RAP1A: variants seen among roughly 807,000 people sequenced by gnomAD.
RAP1A encodes ras-related protein Rap-1A.
Under a neutral mutation model 26.4 loss-of-function variants are expected in RAP1A, and 6 were observed. The observed-to-expected ratio is 0.23, with a 90% CI of 0.12 to 0.45. The LOEUF is 0.45. Among genes scored for constraint, RAP1A ranks in the 20% least tolerant of loss-of-function variants. The pLI is 0.99. For synonymous variants in RAP1A, 73 were observed against 79.4 expected, an observed-to-expected ratio of 0.92 and a Z score of 0.43; for missense variants, 121 against 217.2, an observed-to-expected ratio of 0.56 and a Z score of 2.78.
intron 1 of RAP1A, among the ~76,000 whole-genome samples, chr1:111,594,478 C>CAGAA (rs1658524963): frequency 7.5e-6 from 1 of 133,504 alleles, no homozygotes; most frequent in East Asian, 2.2e-4. Context: ...AGACAAAAAA[C>CAGAA]GGAAGGAAGG....
At chr1:111,613,151 G>A (rs1021240802) in intron 1 of RAP1A, among the ~76,000 whole-genome samples, 1 of 144,552 alleles carries the variant, frequency 6.9e-6, no homozygotes, top group African/African-American at 2.7e-5. Flanking sequence ...GAAAACGTAG[G>A]GTTTTTTTTT....
intron 1 of RAP1A, among the ~76,000 whole-genome samples, chr1:111,609,422 CT>C (rs375433676): frequency 2.0e-5 from 3 of 152,002 alleles, no homozygotes; most frequent in Admixed American, 6.6e-5. Flanking sequence ...TTGACCCTTA[CT>C]TTTTTTTACT....
chr1:111,569,385 C>T (rs574059227), intron 1 of RAP1A, among the ~76,000 whole-genome samples: 100 of 89,256 alleles, frequency 1.1e-3, no homozygotes, highest in Non-Finnish European at 2.1e-3. Flanking sequence ...AGTGAGACTC[C>T]GTCTCCAAAA....
chr1:111,611,319 C>T (rs1456098419), intron 1 of RAP1A, among the ~76,000 whole-genome samples: 3 of 152,104 alleles, frequency 2.0e-5, no homozygotes, highest in Non-Finnish European at 4.4e-5. Context: ...GAACAGGAAA[C>T]CTGATGATAT....
In RAP1A at chr1:111,712,066, G is replaced by A. The variant is rs974131921; in HGVS notation, c.*30-365G>A. 6.7e-5 allele frequency among the ~76,000 whole-genome samples: 10 copies of A among 148,158 alleles called. 1 individual carries two copies. Among genetic ancestry groups the A allele is most frequent in the African/African-American group, 2.6e-4 (10 of 37,762 alleles). Reference sequence around the variant, plus strand: ...GCAGGTGTGTCCTTCAGTAAAAAAGGAAAGTAAAAATAAGATGGTAATGAG... The same window carrying A: ...GCAGGTGTGTCCTTCAGTAAAAAAGAAAAGTAAAAATAAGATGGTAATGAG... On this transcript the variant is annotated intron_variant, in intron 7 of 7. Coordinates refer to ENST00000369709, the MANE Select transcript of RAP1A (RefSeq NM_002884.4).
chr1:111,712,257 A>G (rs1016002988), intron 7 of RAP1A, among the ~76,000 whole-genome samples, 174 bp from the exon 8 acceptor site: 2 of 152,154 alleles, frequency 1.3e-5, no homozygotes, highest in African/African-American at 4.8e-5. Flanking sequence ...ACATTTTTAA[A>G]GGGAATTTAA....
chr1:111,646,025 G>C (rs547751264), intron 1 of RAP1A, among the ~76,000 whole-genome samples: 1 of 152,184 alleles, frequency 6.6e-6, no homozygotes, highest in African/African-American at 2.4e-5. Flanking sequence ...CTGAAAAAAA[G>C]ATAATTAATT....
rs778745500 is a variant in RAP1A at position 111,709,143 on chromosome 1, A to G, written c.469-6A>G. 2 of 1,597,016 alleles carry G rather than the reference A, an allele frequency of 1.3e-6. No homozygotes were observed. On this transcript the variant is annotated splice_region_variant and splice_polypyrimidine_tract_variant and intron_variant, in intron 6 of 7. Coordinates refer to ENST00000369709, the MANE Select transcript of RAP1A (RefSeq NM_002884.4). ...AGTAAGTACTTTTTTTCTTGTTTTT[A>G]CTTAGATATTTTATGACCTGGTCAG...
chr1:111,703,919 C>G (rs72690789), intron 5 of RAP1A, among the ~76,000 whole-genome samples: 2 of 152,092 alleles, frequency 1.3e-5, no homozygotes, highest in African/African-American at 4.8e-5. Flanking sequence ...CCACCTCAAC[C>G]CCCTGAGTAG....
chr1:111,605,137 G>A (rs945671815), intron 1 of RAP1A, among the ~76,000 whole-genome samples: 1 of 152,228 alleles, frequency 6.6e-6, no homozygotes, highest in Non-Finnish European at 1.5e-5. Flanking sequence ...AGACTATGCT[G>A]TGAAGTGCAG....
intron 5 of RAP1A, 77 bp from the exon 6 acceptor site, chr1:111,704,266 T>G: frequency 6.8e-7 from 1 of 1,466,926 alleles, no homozygotes. Context: ...TGGTGGCAGA[T>G]AATTGCTTAT....
intron 1 of RAP1A, among the ~76,000 whole-genome samples, chr1:111,578,993 T>C (rs942202551): frequency 3.9e-5 from 6 of 152,212 alleles, no homozygotes; most frequent in African/African-American, 7.2e-5. Context: ...AGGATACAGA[T>C]AAACAGCCAG....
chr1:111,627,478 C>T, intron 1 of RAP1A: 1 of 151,010 alleles, frequency 6.6e-6, no homozygotes, highest in South Asian at 2.1e-4. Flanking sequence ...AGGATAGATT[C>T]CCAGAAGTGG....
At chr1:111,547,811 A>G (rs926495378) in intron 1 of RAP1A, among the ~76,000 whole-genome samples, 1 of 151,960 alleles carries the variant, frequency 6.6e-6, no homozygotes, top group Non-Finnish European at 1.5e-5. Flanking sequence ...GTGGAGAAAG[A>G]CTCTCTGGTG....
rs1030505142 is a variant in RAP1A, at chr1:111,619,838, C to G, written c.-124C>G. ...GCCGCCGCTCCCGCTGCTGTCGCCG[C>G]GCAGAGCCGGAGCAGGAGCCACGGC... On this transcript the variant is annotated 5_prime_UTR_variant, in exon 1 of 8. Transcript: ENST00000369709. 4 of 398,406 alleles carry G rather than the reference C, an allele frequency of 1.0e-5. No homozygotes were observed. Among genetic ancestry groups the G allele is most frequent in the Admixed American group, 4.5e-5 (1 of 22,414 alleles). The allele number at this position is 398,406 out of a possible 1,614,324, so 24.7% of individuals were successfully genotyped here.
intron 1 of RAP1A, among the ~76,000 whole-genome samples, chr1:111,555,917 A>G (rs1657470664): frequency 6.6e-6 from 1 of 152,218 alleles, no homozygotes; most frequent in Non-Finnish European, 1.5e-5. Flanking sequence ...GATAAATTGA[A>G]CTACATCAAA....
rs1179847320 is a variant in RAP1A, at chr1:111,689,211, T to C, written c.-27-2123T>C. Among the ~76,000 whole-genome samples, 3 of 152,278 alleles carry C rather than the reference T, an allele frequency of 2.0e-5. No individual in the cohort carries two copies. The East Asian group carries it at 5.8e-4, about 29-fold the overall frequency. On this transcript the variant is annotated intron_variant, in intron 1 of 7. Transcript: ENST00000369709. ...CACTGCTCCCCATTCCAGTTACATATATATTATACTGCTTGATAGCTTGGT... is the reference window on the plus strand; with the variant it reads ...CACTGCTCCCCATTCCAGTTACATACATATTATACTGCTTGATAGCTTGGT...
chr1:111,693,786 A>G (rs1041624794), intron 2 of RAP1A, among the ~76,000 whole-genome samples: 10 of 152,098 alleles, frequency 6.6e-5, no homozygotes, highest in Non-Finnish European at 1.5e-4. Context: ...CTTAGAATAC[A>G]TCTTAGTATT....
intron 1 of RAP1A, among the ~76,000 whole-genome samples, chr1:111,631,516 C>CA (rs1262951331): frequency 3.9e-5 from 6 of 152,038 alleles, no homozygotes; most frequent in Admixed American, 3.3e-4. Context: ...TGATGAAACT[C>CA]AAAGTAATTA....
Sources: gnomAD v4.1 joint callset for allele counts (sites outside exome capture counted in the v4.1 genomes callset) on GRCh38, gnomAD v4.1.1 for gene constraint, MANE v1.5 for transcripts, NCBI Gene and HGNC (gene_info 2026-07-23, HGNC 2026-07-21) for gene names.